The following EPS8L1 variants were observed in gnomAD, a reference collection of about 807,000 sequenced individuals.
EPS8L1 encodes the protein EPS8 signaling adaptor L1, also known as epidermal growth factor receptor kinase substrate 8-like protein 1.
EPS8L1 carries 101 observed loss-of-function variants against 91.7 expected under a neutral mutation model. The ratio of observed to expected loss-of-function variants is 1.10; its 90% CI spans 0.94 to 1.30. The LOEUF (loss-of-function observed/expected upper bound fraction) is 1.30, where lower values mean the gene tolerates loss of function less well. Among genes scored for constraint, EPS8L1 ranks in the 50% most tolerant of loss-of-function variants. The pLI, the probability that EPS8L1 is intolerant of heterozygous loss-of-function variation, is 0.00. For synonymous variants in EPS8L1, 506 were observed against 445.3 expected, an observed-to-expected ratio of 1.14 and a Z score of -1.72; for missense variants, 1,114 against 1,017.0, an observed-to-expected ratio of 1.10 and a Z score of -1.30.
At position 55,082,354 on chromosome 19, in the gene EPS8L1, G is replaced by A. The variant is rs1280462600; in HGVS notation, c.1065+5G>A. On this transcript the variant is annotated splice_donor_5th_base_variant and intron_variant, in intron 11 of 19. Transcript: ENST00000201647. ...CTTTTCGGGCCTCTGCAGATGGTGAGACCCGCCCCAGGCCCTCGGGCCCCC... is the reference window on the plus strand; with the variant it reads ...CTTTTCGGGCCTCTGCAGATGGTGAAACCCGCCCCAGGCCCTCGGGCCCCC... The A allele has an allele frequency of 1.9e-6, 3 of 1,612,384 alleles. No homozygotes were observed. The highest frequency in any genetic ancestry group is 1.7e-5 in the Admixed American group (1 of 59,960).
Position 55,086,802 on chromosome 19 carries a change from GC to G in EPS8L1, c.1870del (p.Arg624AlafsTer36). 6.3e-7 allele frequency: 1 copy of G among 1,595,654 alleles called. No individual in the cohort carries two copies. The highest frequency in any genetic ancestry group is 1.7e-5 in the Admixed American group (1 of 57,614). On this transcript the variant is annotated frameshift_variant, in exon 18 of 20. Coordinates refer to ENST00000201647, the MANE Select transcript of EPS8L1 (RefSeq NM_133180.3). LOFTEE classifies it high-confidence loss of function. ...RSGPSRAVPG[P>X]RAPEPQLSPG... ...CGGGACCGAGCCGCGCAGTCCCAGGGCCCCGCGCCCCGGAACCGCAGCTCAG... is the reference window on the plus strand; with the variant it reads ...CGGGACCGAGCCGCGCAGTCCCAGGGCCCGCGCCCCGGAACCGCAGCTCAG...
chr19:55,076,468 G>A lies in EPS8L1; in HGVS notation c.17+7G>A, dbSNP rs769801743. 3.6e-5 allele frequency: 58 copies of A among 1,611,352 alleles called. No homozygotes were observed. Among genetic ancestry groups the A allele is most frequent in the Middle Eastern group, 3.3e-4 (2 of 6,040 alleles). On this transcript the variant is annotated splice_region_variant and intron_variant, in intron 2 of 19. Transcript: ENST00000201647. Reference sequence around the variant, plus strand: ...CCATGAGCACCGCCACAGGGTAAGCGCCCCCGGACCCCAGGTCCCAGCCCC... The same window carrying A: ...CCATGAGCACCGCCACAGGGTAAGCACCCCCGGACCCCAGGTCCCAGCCCC...
In EPS8L1 at chr19:55,081,463, C is replaced by T. The variant is rs1434559171; in HGVS notation, c.745C>T (p.Leu249=). ...GGACCTGGGTCCCCGGGGTCCTGAC[C>T]TGGCGGTTCTGCAGGCGGAGCGGGA... is the stretch of plus-strand genomic sequence containing the variant. ...SPDLGPRGPD[L]AVLQAEREVD... The change falls in exon 8 of 20, where the codon CTG becomes TTG. Residue 249 remains leucine, a synonymous_variant. Transcript: ENST00000201647. This position sits in a 1 kb window ranked among gnomAD's most constrained non-coding sequence, Gnocchi z 4.9. 1.0e-5 allele frequency: 16 copies of T among 1,595,216 alleles called. No individual in the cohort carries two copies. Among genetic ancestry groups the T allele is most frequent in the Admixed American group, 7.0e-5 (4 of 57,476 alleles).
rs116385402 is a variant in EPS8L1 at position 55,082,412 on chromosome 19, A to G, written c.1066-42A>G. The G allele has an allele frequency of 5.3e-5, 85 of 1,611,924 alleles. No homozygotes were observed. In the African/African-American group the frequency reaches 1.1e-3, roughly 20 times the overall value. ...GGGAGGAATCGGGTTCGACTTGTAG[A>G]AGGTGTGGCGGCACAGCCTGCCCCT... On this transcript the variant is annotated intron_variant, in intron 11 of 19. Coordinates refer to ENST00000201647, the MANE Select transcript of EPS8L1 (RefSeq NM_133180.3).
intron 12 of EPS8L1, 70 bp downstream of exon 12, chr19:55,082,672 CATG>C: frequency 1.4e-6 from 2 of 1,417,232 alleles, no homozygotes; most frequent in Admixed American, 2.3e-5. Context: ...AGGTGGGTGG[CATG>C]ATGATTGGAA....
chr19:55,083,230 G>A lies in EPS8L1; in HGVS notation c.1215-148G>A. On this transcript the variant is annotated intron_variant, in intron 12 of 19. Transcript: ENST00000201647. This position sits in a 1 kb window ranked among gnomAD's most constrained non-coding sequence, Gnocchi z 4.7. Reference sequence around the variant, plus strand: ...AAATTGCTGTTGAGTTGGGCTTAGAGCTACCGGCAGGACTTGGTGAAAAGT... The same window carrying A: ...AAATTGCTGTTGAGTTGGGCTTAGAACTACCGGCAGGACTTGGTGAAAAGT... 9.3e-7 allele frequency: 1 copy of A among 1,074,410 alleles called. No individual in the cohort carries two copies. Among genetic ancestry groups the A allele is most frequent in the Non-Finnish European group, 1.3e-6 (1 of 742,640 alleles). The allele number at this position is 1,074,410 out of a possible 1,614,324, so 66.6% of individuals were successfully genotyped here.
At position 55,081,957 on chromosome 19, in the gene EPS8L1, CGCTCTCCCCAG is replaced by C. The variant is rs1477405981; in HGVS notation, c.901+68_901+78del. ...CCTCCCGATCTCTTCCAAATGTCCC[CGCTCTCCCCAG>C]GCTCTCCCCTCCCGCCACTTGCCAG... On this transcript the variant is annotated intron_variant, in intron 9 of 19. Coordinates refer to ENST00000201647, the MANE Select transcript of EPS8L1 (RefSeq NM_133180.3). The surrounding 1 kb of genome is among the most constrained non-coding windows in gnomAD (Gnocchi z 4.9). The C allele has an allele frequency of 6.4e-7, 1 of 1,572,356 alleles. No individual in the cohort carries two copies. The highest frequency in any genetic ancestry group is 8.6e-7 in the Non-Finnish European group (1 of 1,158,886).
At position 55,081,267 on chromosome 19, in the gene EPS8L1, C is replaced by T; in HGVS notation, c.549C>T (p.Pro183=). The T allele has an allele frequency of 6.5e-7, 1 of 1,529,810 alleles. No individual in the cohort carries two copies. Among genetic ancestry groups the T allele is most frequent in the Non-Finnish European group, 8.7e-7 (1 of 1,148,136 alleles). 94.8% of individuals were successfully genotyped at this position (1,529,810 alleles called of 1,614,324 possible). The part of the protein sequence containing the change: ...TQEELQRDRS[P]AAETPPLQRR... ...AGGAGTTGCAGCGCGACCGCTCGCC[C>T]GCCGCTGAGACCCCGCCCCTGCAGC... Residue 183 remains proline, a synonymous_variant, in exon 8 of 20, where the codon CCC becomes CCT. Transcript: ENST00000201647. This position sits in a 1 kb window ranked among gnomAD's most constrained non-coding sequence, Gnocchi z 4.9.
rs368017744 is a variant in EPS8L1, at chr19:55,080,471, G to C, written c.429+193G>C. 1.6e-5 allele frequency: 26 copies of C among 1,613,398 alleles called. No individual in the cohort carries two copies. In the African/African-American group the frequency reaches 2.9e-4, roughly 18 times the overall value. On this transcript the variant is annotated intron_variant, in intron 6 of 19. Coordinates refer to ENST00000201647, the MANE Select transcript of EPS8L1 (RefSeq NM_133180.3). ...TGAGATTGGACCCAGGGTCAAGATAGAACATGAAGGTGGGATGAGGACATG... is the reference window on the plus strand; with the variant it reads ...TGAGATTGGACCCAGGGTCAAGATACAACATGAAGGTGGGATGAGGACATG...
Position 55,083,592 on chromosome 19 carries a change from AC to A in EPS8L1, c.1357-21del. 2 of 1,595,992 alleles carry A rather than the reference AC, an allele frequency of 1.3e-6. No homozygotes were observed. Among genetic ancestry groups the A allele is most frequent in the African/African-American group, 1.3e-5 (1 of 74,856 alleles). On this transcript the variant is annotated intron_variant, in intron 13 of 19. Coordinates refer to ENST00000201647, the MANE Select transcript of EPS8L1 (RefSeq NM_133180.3). This position sits in a 1 kb window ranked among gnomAD's most constrained non-coding sequence, Gnocchi z 4.7. ...CGGCCGGTCCGCCTGGCCCCGCCTG[AC>A]CCGACTGTCTTACTTCCTACAGCAA...
rs868104781 is a variant in EPS8L1 at position 55,082,575 on chromosome 19, C to A, written c.1187C>A (p.Ser396Ter). The change falls in exon 12 of 20, where the codon TCG becomes TAG. Residue 396 changes from serine to a stop codon, truncating the protein, a stop_gained. Transcript: ENST00000201647. LOFTEE classifies it high-confidence loss of function. Reference sequence around the variant, plus strand: ...CCACGTGAAAACGAGCTCTGGACCTCGCTGGGGGACTCGTGGACCCGCCCC... The same window carrying A: ...CCACGTGAAAACGAGCTCTGGACCTAGCTGGGGGACTCGTGGACCCGCCCC... ...VTPRENELWT[S>*]LGDSWTRPGL... 2 of 1,575,762 alleles carry A rather than the reference C, an allele frequency of 1.3e-6. No homozygotes were observed. The highest frequency in any genetic ancestry group is 1.7e-6 in the Non-Finnish European group (2 of 1,161,010).
chr19:55,080,993 C>G (rs1353247584), intron 7 of EPS8L1, 139 bp downstream of exon 7: 3 of 925,584 alleles, frequency 3.2e-6, no homozygotes, highest in Non-Finnish European at 4.8e-6. Context: ...TCTGTACCTC[C>G]CAGACGAGCT....
rs1388755839 is a variant in EPS8L1 at position 55,087,721 on chromosome 19, T to C, written c.*107T>C. On this transcript the variant is annotated 3_prime_UTR_variant, in exon 20 of 20. Coordinates refer to ENST00000201647, the MANE Select transcript of EPS8L1 (RefSeq NM_133180.3). ...ATCTTCTGAAGGATGGCCAATCTGC[T>C]CCGGCCCTGGTCTTCCCCCATCCCG... The C allele has an allele frequency of 8.5e-7, 1 of 1,174,446 alleles. No homozygotes were observed. The highest frequency in any genetic ancestry group is 1.2e-6 in the Non-Finnish European group (1 of 805,548). The allele number at this position is 1,174,446 out of a possible 1,614,324, so 72.8% of individuals were successfully genotyped here. A position where few individuals can be genotyped will look rare whatever the true frequency, so the allele number is the denominator to read the frequency against.
chr19:55,082,613 G>A lies in EPS8L1; in HGVS notation c.1214+11G>A, dbSNP rs773760608. The A allele has an allele frequency of 1.9e-6, 3 of 1,552,440 alleles. No individual in the cohort carries two copies. Among genetic ancestry groups the A allele is most frequent in the South Asian group, 1.2e-5 (1 of 84,912 alleles). On this transcript the variant is annotated intron_variant, in intron 12 of 19. Transcript: ENST00000201647. Reference sequence around the variant, plus strand: ...GTGGACCCGCCCCGGGTGAGGGGCGGGGCTGGGAGGCAGGGGGCATGGTGA... The same window carrying A: ...GTGGACCCGCCCCGGGTGAGGGGCGAGGCTGGGAGGCAGGGGGCATGGTGA...
rs751262307 is a variant in EPS8L1 at position 55,081,737 on chromosome 19, C to T, written c.775-36C>T. On this transcript the variant is annotated intron_variant, in intron 8 of 19. Coordinates refer to ENST00000201647, the MANE Select transcript of EPS8L1 (RefSeq NM_133180.3). The surrounding 1 kb of genome is among the most constrained non-coding windows in gnomAD (Gnocchi z 4.9). ...CTTCGACGGGGATGGTTTTGGAACT[C>T]GGGAGCCCTGAGCGTCCCCCTCCTC... The T allele has an allele frequency of 2.5e-6, 4 of 1,575,812 alleles. No individual in the cohort carries two copies. Among genetic ancestry groups the T allele is most frequent in the Non-Finnish European group, 2.6e-6 (3 of 1,158,712 alleles).
rs1283349333 is a variant in EPS8L1 at position 55,083,930 on chromosome 19, TTGGATCCC to T, written c.1385+295_1385+302del. 3.8e-5 allele frequency: 23 copies of T among 605,656 alleles called. No individual in the cohort carries two copies. The East Asian group carries it at 6.4e-4, about 17-fold the overall frequency. 37.5% of individuals were successfully genotyped at this position (605,656 alleles called of 1,614,324 possible). A position where few individuals can be genotyped will look rare whatever the true frequency, so the allele number is the denominator to read the frequency against. On this transcript the variant is annotated intron_variant, in intron 14 of 19. Coordinates refer to ENST00000201647, the MANE Select transcript of EPS8L1 (RefSeq NM_133180.3). This position sits in a 1 kb window ranked among gnomAD's most constrained non-coding sequence, Gnocchi z 4.7. The stretch of plus-strand genomic sequence containing the variant: ...CTGGGAGTGGGTAAAGTCTGAGAGG[TTGGATCCC>T]TGGATCCCCAAAAGGCTGGAAGAAG...
chr19:55,086,548 G>A, intron 17 of EPS8L1, 30 bp downstream of exon 17: 2 of 1,549,650 alleles, frequency 1.3e-6, no homozygotes, highest in East Asian at 2.4e-5. Context: ...GCTGCGGGGA[G>A]CGGTCCTTAT....
Position 55,082,470 on chromosome 19 carries a change from G to C in EPS8L1, c.1082G>C (p.Gly361Ala). 6.2e-7 allele frequency: 1 copy of C among 1,612,588 alleles called. No homozygotes were observed. The highest frequency in any genetic ancestry group is 1.3e-5 in the African/African-American group (1 of 75,046). ...GPLQMIVNTS[G>A]GPEFASSVRR... ...CCCTGACAGATTGTGAACACGTCGG[G>C]GGGGCCGGAGTTCGCGAGCAGTGTG... Residue 361 changes from glycine (G) to alanine (A), a missense_variant, in exon 12 of 20, where the codon GGG (glycine) becomes GCG (alanine). Physicochemically the swap from Gly to Ala is moderately conservative, Grantham distance 60. Transcript: ENST00000201647.
rs1272236509 is a variant in EPS8L1, at chr19:55,083,922, CTG to C, written c.1385+279_1385+280del. 3.3e-6 allele frequency: 2 copies of C among 610,934 alleles called. No individual in the cohort carries two copies. The highest frequency in any genetic ancestry group is 5.8e-6 in the Non-Finnish European group (2 of 344,752). The allele number at this position is 610,934 out of a possible 1,614,324, so 37.8% of individuals were successfully genotyped here. A position where few individuals can be genotyped will look rare whatever the true frequency, so the allele number is the denominator to read the frequency against. ...GAAGGGGGCTGGGAGTGGGTAAAGT[CTG>C]AGAGGTTGGATCCCTGGATCCCCAA... On this transcript the variant is annotated intron_variant, in intron 14 of 19. Transcript: ENST00000201647. This position sits in a 1 kb window ranked among gnomAD's most constrained non-coding sequence, Gnocchi z 4.7.
Sources: allele counts gnomAD v4.1 joint callset, GRCh38; gene constraint gnomAD v4.1.1; non-coding constraint Gnocchi (gnomAD v3.1); transcripts MANE v1.5; gene names NCBI Gene and HGNC (gene_info 2026-07-23, HGNC 2026-07-21).